Variants in SNX29 observed in about 807,000 individuals in gnomAD.
SNX29 encodes the protein sorting nexin 29.
Under a neutral mutation model 102.1 loss-of-function variants are expected in SNX29, and 78 were observed. That is an observed-to-expected ratio of 0.76 (90% CI 0.64 to 0.92). SNX29 has a LOEUF of 0.92. Among genes scored for constraint, SNX29 ranks in the 40% least tolerant of loss-of-function variants. The pLI is 0.00. For missense variants in SNX29, 1,280 were observed against 1,061.7 expected (o/e 1.21, Z -2.86); for synonymous variants, 580 against 414.5 (o/e 1.40, Z -4.85).
chr16:12,261,620 G>A (rs530359978), intron 14 of SNX29, among the ~76,000 whole-genome samples: 13 of 143,306 alleles, frequency 9.1e-5, no homozygotes. Context: ...TCGGGTCTGT[G>A]CATGCGTCCC....
intron 15 of SNX29, among the ~76,000 whole-genome samples, chr16:12,313,027 T>G (rs1468972670): frequency 6.6e-6 from 1 of 151,470 alleles, no homozygotes; most frequent in African/African-American, 2.4e-5. Context: ...TTCTGTTTTT[T>G]TTTTTTAGAC....
chr16:12,524,785 C>A lies in SNX29; in HGVS notation c.2262C>A (p.Pro754=). ...TGAACAAAGTCATCCAGATGGTCCC[C>A]GAGTTCGCTGCCAGCCCCAAGAAGG... ...SVMNKVIQMV[P]EFAASPKKET... is the part of the protein sequence containing the mutation. The change falls in exon 20 of 21, where the codon CCC becomes CCA. Residue 754 remains proline (P), a synonymous_variant. Transcript: ENST00000566228. The A allele has an allele frequency of 1.9e-6, 3 of 1,613,712 alleles. No individual in the cohort carries two copies. Among genetic ancestry groups the A allele is most frequent in the Non-Finnish European group, 2.5e-6 (3 of 1,179,784 alleles).
At chr16:12,094,701 G>T (rs2052697646) in intron 11 of SNX29, among the ~76,000 whole-genome samples, 1 of 152,182 alleles carries the variant, frequency 6.6e-6, no homozygotes, top group African/African-American at 2.4e-5. Context: ...GTAGAGCCCA[G>T]GGATGCTGCT....
intron 18 of SNX29, among the ~76,000 whole-genome samples, chr16:12,437,625 T>G (rs1427850038): frequency 6.6e-6 from 1 of 152,162 alleles, no homozygotes; most frequent in African/African-American, 2.4e-5. Flanking sequence ...CTCTTGACCC[T>G]GGCTCCTTCC....
chr16:12,556,178 C>T (rs904131321), intron 20 of SNX29, among the ~76,000 whole-genome samples: 11 of 152,188 alleles, frequency 7.2e-5, no homozygotes, highest in African/African-American at 2.4e-4. Flanking sequence ...TGACACATCC[C>T]AGATGTTGCT....
At chr16:12,481,440 A>G (rs2087906533) in intron 19 of SNX29, among the ~76,000 whole-genome samples, 1 of 127,432 alleles carries the variant, frequency 7.8e-6, no homozygotes, top group Non-Finnish European at 1.6e-5. Flanking sequence ...ACACATATAT[A>G]CACACACATA....
chr16:12,470,183 A>C (rs2087267119), intron 18 of SNX29, among the ~76,000 whole-genome samples: 3 of 152,216 alleles, frequency 2.0e-5, no homozygotes, highest in African/African-American at 7.2e-5. Context: ...TGCAGAAAAA[A>C]GTATTTAGTT....
chr16:12,543,042 A>G (rs1284588255), intron 20 of SNX29, among the ~76,000 whole-genome samples: 1 of 152,200 alleles, frequency 6.6e-6, no homozygotes, highest in Non-Finnish European at 1.5e-5. Flanking sequence ...AGGCTCAAAA[A>G]GTGTCACCAG....
chr16:12,192,348 A>C (rs1024701289), intron 13 of SNX29, among the ~76,000 whole-genome samples: 76 of 152,148 alleles, frequency 5.0e-4, no homozygotes, highest in African/African-American at 1.6e-3. Context: ...ACTTGTCTCC[A>C]TGTGCACGGC....
rs987639461 is a variant in SNX29 at position 12,574,157 on chromosome 16, A to T, written c.*5528A>T. 5.5e-6 allele frequency: 1 copy of T among 181,308 alleles called. No homozygotes were observed. The highest frequency in any genetic ancestry group is 2.4e-5 in the African/African-American group (1 of 42,440). The allele number at this position is 181,308 out of a possible 1,614,324, so 11.2% of individuals were successfully genotyped here. On this transcript the variant is annotated 3_prime_UTR_variant, in exon 21 of 21. Transcript: ENST00000566228. Reference sequence around the variant, plus strand: ...ATAGGATTTTTAAACAAATGTGTTTAATTTTTTAAGATCTCTTGTATTAAA... The same window carrying T: ...ATAGGATTTTTAAACAAATGTGTTTTATTTTTTAAGATCTCTTGTATTAAA...
chr16:12,466,683 T>C (rs1470094082), intron 18 of SNX29, among the ~76,000 whole-genome samples: 1 of 152,104 alleles, frequency 6.6e-6, no homozygotes, highest in Non-Finnish European at 1.5e-5. Context: ...AACCAAAGCA[T>C]GGATAGTTTC....
intron 15 of SNX29, among the ~76,000 whole-genome samples, chr16:12,320,964 C>T (rs1393842875): frequency 2.0e-5 from 3 of 152,272 alleles, no homozygotes; most frequent in Non-Finnish European, 2.9e-5. Context: ...GTTTGTTTTT[C>T]GTTATCTGTC....
At chr16:12,355,133 G>C (rs1191326678) in intron 15 of SNX29, among the ~76,000 whole-genome samples, 1 of 152,126 alleles carries the variant, frequency 6.6e-6, no homozygotes, top group East Asian at 1.9e-4. Context: ...ATGAAGGGGA[G>C]CTCAAATAAA....
chr16:12,112,139 G>T (rs2053525617), intron 11 of SNX29, among the ~76,000 whole-genome samples: 1 of 152,154 alleles, frequency 6.6e-6, no homozygotes, highest in African/African-American at 2.4e-5. Context: ...TGGGTCAACT[G>T]CCCAACTGTA....
intron 16 of SNX29, among the ~76,000 whole-genome samples, chr16:12,377,674 G>C (rs186834689): frequency 1.3e-5 from 2 of 152,174 alleles, no homozygotes; most frequent in East Asian, 1.9e-4. Context: ...TGGTGGTTAC[G>C]GTGGTGATGG....
chr16:12,167,685 C>G (rs1173023163), intron 13 of SNX29, among the ~76,000 whole-genome samples: 1 of 152,128 alleles, frequency 6.6e-6, no homozygotes, highest in East Asian at 1.9e-4. Context: ...TACCACTGCC[C>G]TCTTAGAGAT....
chr16:12,016,382 G>T (rs1182689437), intron 3 of SNX29, among the ~76,000 whole-genome samples: 1 of 152,160 alleles, frequency 6.6e-6, no homozygotes, highest in Non-Finnish European at 1.5e-5. Context: ...GCAGCCTCTG[G>T]CTTTCGAAAC....
intron 11 of SNX29, among the ~76,000 whole-genome samples, chr16:12,123,634 G>T (rs969134421): frequency 7.2e-5 from 11 of 152,194 alleles, no homozygotes; most frequent in Admixed American, 1.3e-4. Flanking sequence ...CTCTCCGTCT[G>T]CAGTGTCCTG....
chr16:12,043,913 C>T (rs573345636), intron 5 of SNX29, among the ~76,000 whole-genome samples: 2 of 152,116 alleles, frequency 1.3e-5, no homozygotes, highest in Admixed American at 6.6e-5. Flanking sequence ...CCACCATACT[C>T]AGCTAATTTT....
Sources: gnomAD v4.1 joint callset for allele counts (sites outside exome capture counted in the v4.1 genomes callset) on GRCh38, gnomAD v4.1.1 for gene constraint, MANE v1.5 for transcripts, NCBI Gene and HGNC (gene_info 2026-07-23, HGNC 2026-07-21) for gene names.